Variants in WWOX observed in about 807,000 individuals in gnomAD.
The protein encoded by WWOX is WW domain containing oxidoreductase, also known as WW domain-containing oxidoreductase.
In WWOX, 69 loss-of-function variants were observed where a neutral mutation model predicts 46.2. The observed-to-expected ratio is 1.49, with a 90% CI of 1.23 to 1.82. The LOEUF is 1.82. Ranked by LOEUF, WWOX falls within the 40% of genes most tolerant of loss-of-function variation. The probability of loss-of-function intolerance (pLI) is 0.00; values close to 1 mark genes in which losing one functional copy is unlikely to be tolerated. For missense variants in WWOX, 919 were observed against 542.6 expected (o/e 1.69, Z -6.89); for synonymous variants, 359 against 202.6 (o/e 1.77, Z -6.56).
At chr16:78,897,931 T>C (rs894288768) in intron 8 of WWOX, 1 of 152,202 alleles carries the variant, frequency 6.6e-6, no homozygotes, top group Admixed American at 6.5e-5. Context: ...ATGCCTCTTT[T>C]TATGAACTCA....
chr16:78,696,296 A>G (rs2142280703), intron 8 of WWOX, among the ~76,000 whole-genome samples: 1 of 152,294 alleles, frequency 6.6e-6, no homozygotes, highest in Non-Finnish European at 1.5e-5. Flanking sequence ...CATATTGGTT[A>G]CAGTGATAGC....
At chr16:78,391,690 A>T (rs1237189178) in intron 6 of WWOX, among the ~76,000 whole-genome samples, 3 of 152,194 alleles carry the variant, frequency 2.0e-5, no homozygotes. Flanking sequence ...TGTACTAAAA[A>T]TACAAAAATT....
chr16:78,612,603 G>C (rs2045927320), intron 8 of WWOX, among the ~76,000 whole-genome samples: 1 of 152,168 alleles, frequency 6.6e-6, no homozygotes, highest in Non-Finnish European at 1.5e-5. Flanking sequence ...AGCCTGCCAA[G>C]TAGGACTACA....
chr16:78,546,485 C>A (rs994893094), intron 8 of WWOX, among the ~76,000 whole-genome samples: 7 of 152,272 alleles, frequency 4.6e-5, no homozygotes, highest in Admixed American at 1.3e-4. Flanking sequence ...TTAATTACAT[C>A]TCATATTGTG....
intron 8 of WWOX, among the ~76,000 whole-genome samples, chr16:78,859,027 A>AAAAAAATATATATAT (rs1555551610): frequency 4.2e-5 from 1 of 23,688 alleles, no homozygotes; most frequent in African/African-American, 1.8e-4. Context: ...AAAAAAAAAA[A>AAAAAAATATATATAT]ATATATATAT....
chr16:79,172,012 C>T (rs2050709139), intron 8 of WWOX, among the ~76,000 whole-genome samples: 1 of 152,142 alleles, frequency 6.6e-6, no homozygotes, highest in Non-Finnish European at 1.5e-5. Context: ...TCCTGACTCT[C>T]AGGAACACGG....
intron 8 of WWOX, among the ~76,000 whole-genome samples, chr16:79,124,707 G>T (rs2049713209): frequency 6.6e-6 from 1 of 152,198 alleles, no homozygotes; most frequent in Non-Finnish European, 1.5e-5. Context: ...GTTTAGTGGA[G>T]CAAAACAGAT....
At position 78,514,112 on chromosome 16, in the gene WWOX, C is replaced by T. The variant is rs1423146577; in HGVS notation, c.1056+81360C>T. 2.0e-5 allele frequency among the ~76,000 whole-genome samples: 3 copies of T among 152,256 alleles called. No homozygotes were observed. The East Asian group carries it at 5.8e-4, about 29-fold the overall frequency. On this transcript the variant is annotated intron_variant, in intron 8 of 8. Coordinates refer to ENST00000566780, the MANE Select transcript of WWOX (RefSeq NM_016373.4). ...GCCAACCCCATAAATACTGCTCAAG[C>T]ATTTAGAAAGACTTTCTCTATAGAG...
At chr16:78,631,284 G>A (rs1326291688) in intron 8 of WWOX, among the ~76,000 whole-genome samples, 3 of 151,980 alleles carry the variant, frequency 2.0e-5, no homozygotes, top group Non-Finnish European at 4.4e-5. Flanking sequence ...AAGATTCTCC[G>A]TGGCTTGTGT....
intron 8 of WWOX, among the ~76,000 whole-genome samples, chr16:78,646,593 A>G (rs1025133837): frequency 1.3e-5 from 2 of 151,974 alleles, no homozygotes; most frequent in African/African-American, 4.8e-5. Context: ...ACTCCCGGCT[A>G]ATTTTTGTCT....
At chr16:78,542,712 G>A (rs2043928033) in intron 8 of WWOX, among the ~76,000 whole-genome samples, 1 of 152,210 alleles carries the variant, frequency 6.6e-6, no homozygotes, top group Non-Finnish European at 1.5e-5. Context: ...TCTTCTATCA[G>A]CCCTCTAAAC....
chr16:78,376,888 C>T (rs1231913474), intron 5 of WWOX, among the ~76,000 whole-genome samples: 1 of 152,202 alleles, frequency 6.6e-6, no homozygotes, highest in South Asian at 2.1e-4. Context: ...TCCGATTTCC[C>T]AAGTCCACCG....
chr16:78,729,532 G>A (rs2048916307), intron 8 of WWOX, among the ~76,000 whole-genome samples: 1 of 152,000 alleles, frequency 6.6e-6, no homozygotes, highest in Non-Finnish European at 1.5e-5. Flanking sequence ...TAAAGGCAGA[G>A]GGTGAAGTTG....
chr16:78,779,668 T>C (rs2050277091), intron 8 of WWOX, among the ~76,000 whole-genome samples: 1 of 152,204 alleles, frequency 6.6e-6, no homozygotes, highest in African/African-American at 2.4e-5. Flanking sequence ...TTCACACTGC[T>C]GATCAGTGAT....
chr16:78,683,561 T>C (rs986624110), intron 8 of WWOX, among the ~76,000 whole-genome samples: 1 of 149,800 alleles, frequency 6.7e-6, no homozygotes, highest in African/African-American at 2.5e-5. Flanking sequence ...ATAAAAATAA[T>C]AAAAAAAAAA....
At chr16:78,792,266 G>C (rs1311435563) in intron 8 of WWOX, among the ~76,000 whole-genome samples, 1 of 152,202 alleles carries the variant, frequency 6.6e-6, no homozygotes, top group Non-Finnish European at 1.5e-5. Flanking sequence ...ATGGGGCTGG[G>C]AATGGGCTGA....
intron 6 of WWOX, among the ~76,000 whole-genome samples, chr16:78,401,171 ATATG>A (rs1340445215): frequency 2.0e-5 from 3 of 152,332 alleles, no homozygotes; most frequent in Admixed American, 2.0e-4. Context: ...AAAATGTTAA[ATATG>A]TGTGTGCAGA....
intron 6 of WWOX, among the ~76,000 whole-genome samples, chr16:78,404,023 C>T (rs971300380): frequency 2.0e-5 from 3 of 152,130 alleles, no homozygotes; most frequent in Non-Finnish European, 4.4e-5. Context: ...AGCAACTCCA[C>T]CTAGCAGAAG....
intron 8 of WWOX, among the ~76,000 whole-genome samples, chr16:78,497,622 A>C (rs2084948430): frequency 6.6e-6 from 1 of 152,194 alleles, no homozygotes; most frequent in African/African-American, 2.4e-5. Context: ...AAAGAATCTG[A>C]TGTAAAAATG....
Sources: allele counts gnomAD v4.1 joint callset (sites outside exome capture counted in the v4.1 genomes callset), GRCh38; gene constraint gnomAD v4.1.1; transcripts MANE v1.5; gene names NCBI Gene and HGNC (gene_info 2026-07-23, HGNC 2026-07-21).